Variants in ITGA1 observed in about 807,000 individuals in gnomAD.
ITGA1 encodes the protein integrin alpha-1.
In ITGA1, 85 loss-of-function variants were observed where a neutral mutation model predicts 145.9. The observed-to-expected ratio is 0.58, with a 90% CI of 0.49 to 0.70. The LOEUF (loss-of-function observed/expected upper bound fraction) is 0.70. Among genes scored for constraint, ITGA1 ranks in the 30% least tolerant of loss-of-function variants. ITGA1 has a pLI of 0.00. For synonymous variants in ITGA1, 520 were observed against 495.3 expected (o/e 1.05, Z -0.66); for missense variants, 1,351 against 1,418.7 (o/e 0.95, Z 0.77).
In ITGA1 at chr5:52,910,152, T is replaced by A. The variant is rs765254582; in HGVS notation, c.1600-10T>A. ...GAAATACATAAATATCCTGTTTATC[T>A]TTCTTCCAGACAAGGTTTGAATATC... is the stretch of plus-strand genomic sequence containing the variant. On this transcript the variant is annotated splice_polypyrimidine_tract_variant and intron_variant, in intron 13 of 28. Transcript: ENST00000282588. 2 of 1,598,088 alleles carry A rather than the reference T, an allele frequency of 1.3e-6. No individual in the cohort carries two copies. The highest frequency in any genetic ancestry group is 3.4e-5 in the Admixed American group (2 of 59,370).
intron 26 of ITGA1, among the ~76,000 whole-genome samples, chr5:52,940,236 T>C (rs982710632): frequency 1.4e-4 from 21 of 152,140 alleles, no homozygotes; most frequent in African/African-American, 5.1e-4. Context: ...GTACCAAAGC[T>C]TGCACTTATC....
chr5:52,810,359 TA>T (rs1037075357), intron 1 of ITGA1, among the ~76,000 whole-genome samples: 26 of 152,362 alleles, frequency 1.7e-4, no homozygotes, highest in African/African-American at 6.3e-4. Context: ...TTTCTATTTT[TA>T]TATTCAACAT....
chr5:52,837,353 A>G (rs2456207), intron 1 of ITGA1, among the ~76,000 whole-genome samples: 53,080 of 152,002 alleles, frequency 0.35, 9,606 homozygotes, highest in South Asian at 0.45. Context: ...TCACCAATCA[A>G]TTAGTGTGAA....
intron 1 of ITGA1, among the ~76,000 whole-genome samples, chr5:52,807,852 A>G (rs1748618909): frequency 2.0e-5 from 3 of 152,176 alleles, no homozygotes; most frequent in East Asian, 1.9e-4. Context: ...TAAACCTACA[A>G]TTAAGTCATG....
At chr5:52,900,307 A>G (rs112336974) in intron 11 of ITGA1, among the ~76,000 whole-genome samples, 10 of 152,342 alleles carry the variant, frequency 6.6e-5, no homozygotes, top group African/African-American at 2.4e-4. Flanking sequence ...ATCTTCCTAT[A>G]TAATGGATGA....
intron 1 of ITGA1, among the ~76,000 whole-genome samples, chr5:52,832,584 T>A (rs1749088428): frequency 6.6e-6 from 1 of 152,194 alleles, no homozygotes; most frequent in African/African-American, 2.4e-5. Context: ...CTAATCTCCA[T>A]ATTTTCTTAC....
intron 26 of ITGA1, among the ~76,000 whole-genome samples, chr5:52,941,036 G>C (rs1228028513): frequency 6.6e-6 from 1 of 152,026 alleles, no homozygotes; most frequent in Non-Finnish European, 1.5e-5. Flanking sequence ...GTGGTATTTG[G>C]TTTTCTGTTC....
chr5:52,829,007 T>C (rs577475536), intron 1 of ITGA1, among the ~76,000 whole-genome samples: 10 of 152,340 alleles, frequency 6.6e-5, no homozygotes, highest in African/African-American at 2.4e-4. Flanking sequence ...TTACCAGTCA[T>C]TGAATTTTGG....
chr5:52,866,671 C>T (rs868510280), intron 6 of ITGA1, among the ~76,000 whole-genome samples: 102 of 152,238 alleles, frequency 6.7e-4, no homozygotes, highest in African/African-American at 2.4e-3. Flanking sequence ...GTTTGTTTAT[C>T]CCCCCAATTA....
chr5:52,860,966 T>C (rs1284513705), intron 2 of ITGA1, among the ~76,000 whole-genome samples: 1 of 152,232 alleles, frequency 6.6e-6, no homozygotes, highest in East Asian at 1.9e-4. Flanking sequence ...TTATATTTCC[T>C]GACTTCTCTA....
intron 9 of ITGA1, among the ~76,000 whole-genome samples, chr5:52,894,771 T>G (rs1216439029): frequency 1.3e-5 from 2 of 152,112 alleles, no homozygotes; most frequent in Non-Finnish European, 2.9e-5. Flanking sequence ...TCAGTTTCCC[T>G]GATTTGATTG....
At chr5:52,950,572 C>T (rs1751203405) in intron 28 of ITGA1, among the ~76,000 whole-genome samples, 1 of 152,132 alleles carries the variant, frequency 6.6e-6, no homozygotes, top group Non-Finnish European at 1.5e-5. Flanking sequence ...TGAAAACAAA[C>T]TCTATTGGTT....
Position 52,910,400 on chromosome 5 carries a change from T to C in ITGA1, c.1838T>C (p.Ile613Thr). The C allele has an allele frequency of 6.2e-7, 1 of 1,613,448 alleles. No individual in the cohort carries two copies. Among genetic ancestry groups the C allele is most frequent in the South Asian group, 1.1e-5 (1 of 91,066 alleles). ...VYIYHGSGKT[I>T]RKEYAQRIPS... Reference sequence around the variant, plus strand: ...ATTTATCATGGAAGTGGCAAGACTATAAGGAAAGAGTATGCACAAGTAAGA... The same window carrying C: ...ATTTATCATGGAAGTGGCAAGACTACAAGGAAAGAGTATGCACAAGTAAGA... The change falls in exon 14 of 29, where the codon ATA becomes ACA. Residue 613 changes from isoleucine to threonine, a missense_variant. Transcript: ENST00000282588.
intron 8 of ITGA1, among the ~76,000 whole-genome samples, chr5:52,892,825 G>A (rs1750171421): frequency 6.6e-6 from 1 of 151,874 alleles, no homozygotes; most frequent in East Asian, 1.9e-4. Context: ...GTGGTTGCCA[G>A]GGTTGAACGA....
chr5:52,808,676 CTTTTTTT>C (rs60113844), intron 1 of ITGA1, among the ~76,000 whole-genome samples: 1 of 69,336 alleles, frequency 1.4e-5, no homozygotes, highest in Non-Finnish European at 2.6e-5. Context: ...TTCTTTCTTT[CTTTTTTT>C]TTTTTTTTTT....
chr5:52,949,281 G>T (rs1340082756), intron 28 of ITGA1, among the ~76,000 whole-genome samples: 2 of 152,110 alleles, frequency 1.3e-5, no homozygotes, highest in Non-Finnish European at 2.9e-5. Flanking sequence ...ACCTTATGAG[G>T]TCGTATGAAC....
intron 26 of ITGA1, among the ~76,000 whole-genome samples, chr5:52,940,599 A>T (rs1751041544): frequency 6.6e-6 from 1 of 151,798 alleles, no homozygotes; most frequent in South Asian, 2.1e-4. Flanking sequence ...TTTAGTAGAG[A>T]CTATGAAGAC....
At chr5:52,920,303 CCAT>C (rs748989306) in intron 16 of ITGA1, 26 bp from the exon 17 acceptor site, 1 of 1,520,464 alleles carries the variant, frequency 6.6e-7, no homozygotes, top group South Asian at 1.2e-5. Context: ...ATAAACATTT[CCAT>C]CAATTATTTT....
chr5:52,834,239 G>T (rs1749120491), intron 1 of ITGA1, among the ~76,000 whole-genome samples: 1 of 152,144 alleles, frequency 6.6e-6, no homozygotes, highest in African/African-American at 2.4e-5. Context: ...CTGCTTAGTT[G>T]CCATAGCAGA....
Sources: allele counts gnomAD v4.1 joint callset (sites outside exome capture counted in the v4.1 genomes callset), GRCh38; gene constraint gnomAD v4.1.1; transcripts MANE v1.5; gene names NCBI Gene and HGNC (gene_info 2026-07-23, HGNC 2026-07-21).